The following RPTOR variants were observed in gnomAD, a reference collection of about 807,000 sequenced individuals.
RPTOR encodes regulatory-associated protein of mTOR.
Under a neutral mutation model 169.9 loss-of-function variants are expected in RPTOR, and 21 were observed. The ratio of observed to expected loss-of-function variants is 0.12; its 90% CI spans 0.09 to 0.18. The LOEUF (loss-of-function observed/expected upper bound fraction) is 0.18, where lower values mean the gene tolerates loss of function less well. RPTOR is among the 10% of genes least tolerant of loss of function. The pLI is 1.00. For synonymous variants in RPTOR, 732 were observed against 753.2 expected, an observed-to-expected ratio of 0.97 and a Z score of 0.46; for missense variants, 1,133 against 1,855.9, an observed-to-expected ratio of 0.61 and a Z score of 7.16.
chr17:80,954,454 C>A (rs778960603), intron 28 of RPTOR, among the ~76,000 whole-genome samples: 1 of 151,288 alleles, frequency 6.6e-6, no homozygotes, highest in Non-Finnish European at 1.5e-5. Flanking sequence ...TTTGTAAAGA[C>A]AAGGTCTTGC....
At chr17:80,704,770 G>T (rs2066129768) in intron 3 of RPTOR, among the ~76,000 whole-genome samples, 1 of 152,240 alleles carries the variant, frequency 6.6e-6, no homozygotes, top group Non-Finnish European at 1.5e-5. Context: ...GAACAGAAAG[G>T]CACACATGTG....
intron 3 of RPTOR, among the ~76,000 whole-genome samples, chr17:80,705,801 CT>C (rs1567867131): frequency 6.6e-6 from 1 of 152,132 alleles, no homozygotes; most frequent in Non-Finnish European, 1.5e-5. Context: ...CTCCGAAATG[CT>C]GGGATTCCAG....
intron 21 of RPTOR, among the ~76,000 whole-genome samples, chr17:80,914,942 A>C (rs1190116501): frequency 6.6e-6 from 1 of 152,236 alleles, no homozygotes; most frequent in African/African-American, 2.4e-5. Flanking sequence ...TGCTTTTTCC[A>C]AGCCTGCCCA....
intron 1 of RPTOR, among the ~76,000 whole-genome samples, chr17:80,572,435 C>A (rs8069320): frequency 0.45 from 67,964 of 151,706 alleles, 15,451 homozygotes; most frequent in Middle Eastern, 0.52. Context: ...CTGTTCAAGT[C>A]TTTTGCCCAG....
At position 80,823,116 on chromosome 17, in the gene RPTOR, G is replaced by A. The variant is rs1399776463; in HGVS notation, c.1029G>A (p.Val343=). 2 of 1,614,166 alleles carry A rather than the reference G, an allele frequency of 1.2e-6. No homozygotes were observed. Among genetic ancestry groups the A allele is most frequent in the Non-Finnish European group, 1.7e-6 (2 of 1,180,026 alleles). ...FQKLFRQDLL[V]ASLFRNFLLA... ...AGCTCTTCAGACAGGACTTGCTGGT[G>A]GCTAGTCTGTTTCGAAATTTTTTAT... The change falls in exon 9 of 34, where the codon GTG becomes GTA. Residue 343 remains valine, a synonymous_variant. Coordinates refer to ENST00000306801, the MANE Select transcript of RPTOR (RefSeq NM_020761.3). This position sits in a 1 kb window ranked among gnomAD's most constrained non-coding sequence, Gnocchi z 4.5.
chr17:80,575,105 G>A (rs1193392352), intron 1 of RPTOR, among the ~76,000 whole-genome samples: 1 of 152,016 alleles, frequency 6.6e-6, no homozygotes, highest in Non-Finnish European at 1.5e-5. Context: ...GTCTTTTCTA[G>A]TGTATGCACT....
At chr17:80,816,390 C>T (rs542646451) in intron 7 of RPTOR, among the ~76,000 whole-genome samples, 3 of 152,308 alleles carry the variant, frequency 2.0e-5, no homozygotes, top group South Asian at 2.1e-4. Context: ...CTCAGTGAAA[C>T]GCGAATCCAC....
intron 19 of RPTOR, 77 bp downstream of exon 19, chr17:80,892,946 C>T: frequency 6.6e-7 from 1 of 1,524,516 alleles, no homozygotes; most frequent in Non-Finnish European, 8.9e-7. Flanking sequence ...TCTGAGTAAG[C>T]ACCACTCTGC....
chr17:80,757,829 C>T (rs1292342790), intron 6 of RPTOR, among the ~76,000 whole-genome samples: 6 of 152,054 alleles, frequency 3.9e-5, no homozygotes, highest in Non-Finnish European at 7.4e-5. Context: ...GCCTCCTATG[C>T]GCCCCTCATT....
chr17:80,922,297 A>G (rs1024378389), intron 21 of RPTOR, among the ~76,000 whole-genome samples: 2 of 152,110 alleles, frequency 1.3e-5, no homozygotes, highest in Non-Finnish European at 2.9e-5. Flanking sequence ...GGTGTTGGGG[A>G]GAATTGGACT....
rs948448332 is a variant in RPTOR at position 80,633,892 on chromosome 17, G to A, written c.265+8099G>A. On this transcript the variant is annotated intron_variant, in intron 2 of 33. Transcript: ENST00000306801. This position sits in a 1 kb window ranked among gnomAD's most constrained non-coding sequence, Gnocchi z 4.1. The stretch of plus-strand genomic sequence containing the variant: ...GGCTTCTGTCTTGTTTGCATCATTC[G>A]TGGAGCATGTGCTTACTTTGTCTCA... Among the ~76,000 whole-genome samples, 4 of 152,158 alleles carry A rather than the reference G, an allele frequency of 2.6e-5. No individual in the cohort carries two copies. The highest frequency in any genetic ancestry group is 4.4e-5 in the Non-Finnish European group (3 of 68,042).
intron 21 of RPTOR, among the ~76,000 whole-genome samples, chr17:80,909,212 A>C (rs953501563): frequency 2.8e-5 from 4 of 144,462 alleles, no homozygotes; most frequent in African/African-American, 1.0e-4. Flanking sequence ...GGTGAGCTAC[A>C]GTGCTGGCCC....
chr17:80,930,891 G>A (rs919458078), intron 24 of RPTOR, among the ~76,000 whole-genome samples: 1 of 152,254 alleles, frequency 6.6e-6, no homozygotes, highest in Non-Finnish European at 1.5e-5. Context: ...CTTGGCTGTA[G>A]TGCCAGCGCC....
chr17:80,823,343 G>A lies in RPTOR; in HGVS notation c.1136+120G>A. On this transcript the variant is annotated intron_variant, in intron 9 of 33. Coordinates refer to ENST00000306801, the MANE Select transcript of RPTOR (RefSeq NM_020761.3). This position sits in a 1 kb window ranked among gnomAD's most constrained non-coding sequence, Gnocchi z 4.5. ...ACACCTAACTTGGGGACCCCGTGTA[G>A]CATTAACAAGTGAAGCTAAATGCAG... 1 of 1,277,876 alleles carries A rather than the reference G, an allele frequency of 7.8e-7. No individual in the cohort carries two copies. Among genetic ancestry groups the A allele is most frequent in the Non-Finnish European group, 1.1e-6 (1 of 928,860 alleles). 79.2% of individuals were successfully genotyped at this position (1,277,876 alleles called of 1,614,324 possible).
chr17:80,579,182 ATTTG>A (rs1213471928), intron 1 of RPTOR, among the ~76,000 whole-genome samples: 1 of 151,452 alleles, frequency 6.6e-6, no homozygotes, highest in Non-Finnish European at 1.5e-5. Flanking sequence ...TTATTTATTT[ATTTG>A]TTTATTTATT....
At position 80,746,031 on chromosome 17, in the gene RPTOR, G is replaced by A. The variant is rs776487425; in HGVS notation, c.655-7979G>A. On this transcript the variant is annotated intron_variant, in intron 5 of 33. Coordinates refer to ENST00000306801, the MANE Select transcript of RPTOR (RefSeq NM_020761.3). This position sits in a 1 kb window ranked among gnomAD's most constrained non-coding sequence, Gnocchi z 4.5. The stretch of plus-strand genomic sequence containing the variant: ...TATAAAATTATCCAGACGTGGTGGC[G>A]CATACCTGTAATCCCAGCTACTTGA... 8.5e-5 allele frequency among the ~76,000 whole-genome samples: 13 copies of A among 152,084 alleles called. No individual in the cohort carries two copies. The highest frequency in any genetic ancestry group is 2.4e-4 in the African/African-American group (10 of 41,428).
intron 1 of RPTOR, among the ~76,000 whole-genome samples, chr17:80,624,716 C>G (rs980497419): frequency 5.9e-5 from 9 of 152,186 alleles, no homozygotes; most frequent in Non-Finnish European, 4.4e-5. Context: ...TATCTTGTAT[C>G]ATATACCAGA....
Position 80,845,312 on chromosome 17 carries a change from T to C in RPTOR, c.1213-1161T>C, listed in dbSNP as rs2067716124. ...CCCCTCGAGGGGCCCTGATGCCGCCTGACATTCTGACCCCAAGCATTTTTT... is the reference window on the plus strand; with the variant it reads ...CCCCTCGAGGGGCCCTGATGCCGCCCGACATTCTGACCCCAAGCATTTTTT... On this transcript the variant is annotated intron_variant, in intron 10 of 33. Transcript: ENST00000306801. The surrounding 1 kb of genome is among the most constrained non-coding windows in gnomAD (Gnocchi z 5.4). 6.6e-6 allele frequency among the ~76,000 whole-genome samples: 1 copy of C among 152,196 alleles called. No homozygotes were observed. Among genetic ancestry groups the C allele is most frequent in the Non-Finnish European group, 1.5e-5 (1 of 68,022 alleles).
chr17:80,695,228 A>G lies in RPTOR; in HGVS notation c.349-12613A>G, dbSNP rs2066026339. ...TGCCCCGACCCGTGCTGTGCGGGTC[A>G]CTCACCCCCACATTGTCTGCCACGG... On this transcript the variant is annotated intron_variant, in intron 3 of 33. Coordinates refer to ENST00000306801, the MANE Select transcript of RPTOR (RefSeq NM_020761.3). The surrounding 1 kb of genome is among the most constrained non-coding windows in gnomAD (Gnocchi z 4.9). Among the ~76,000 whole-genome samples, 1 of 152,096 alleles carries G rather than the reference A, an allele frequency of 6.6e-6. No individual in the cohort carries two copies. The highest frequency in any genetic ancestry group is 2.1e-4 in the South Asian group (1 of 4,812).
Sources: gnomAD v4.1 joint callset for allele counts (sites outside exome capture counted in the v4.1 genomes callset) on GRCh38, gnomAD v4.1.1 for gene constraint, Gnocchi (gnomAD v3.1) non-coding constraint, MANE v1.5 for transcripts, NCBI Gene and HGNC (gene_info 2026-07-23, HGNC 2026-07-21) for gene names.